The following TPRG1 variants were observed in gnomAD, a reference collection of about 807,000 sequenced individuals.
TPRG1 encodes the protein tumor protein p63 regulated 1.
TPRG1 carries 29 observed loss-of-function variants against 29.3 expected under a neutral mutation model. The observed-to-expected ratio is 0.99, with a 90% CI of 0.74 to 1.35. The LOEUF (loss-of-function observed/expected upper bound fraction) is 1.35. TPRG1 is among the 40% of genes most tolerant of loss of function. The probability of loss-of-function intolerance (pLI) is 0.00; values close to 1 mark genes in which losing one functional copy is unlikely to be tolerated. For synonymous variants in TPRG1, 130 were observed against 116.8 expected (o/e 1.11, Z -0.73); for missense variants, 327 against 335.0 (o/e 0.98, Z 0.19).
chr3:189,202,864 C>T (rs1236560684), intron 1 of TPRG1, among the ~76,000 whole-genome samples: 1 of 152,180 alleles, frequency 6.6e-6, no homozygotes, highest in African/African-American at 2.4e-5. Context: ...TGGGCTCAGA[C>T]ATTTGGCAAA....
intron 4 of TPRG1, among the ~76,000 whole-genome samples, chr3:189,279,498 T>C (rs189777028): frequency 6.6e-6 from 1 of 152,350 alleles, no homozygotes; most frequent in Admixed American, 6.5e-5. Context: ...TAATTATCTA[T>C]TTGGAGAAAC....
intron 4 of TPRG1, among the ~76,000 whole-genome samples, chr3:189,035,868 C>G (rs1231767733): frequency 6.6e-6 from 1 of 152,108 alleles, no homozygotes; most frequent in Non-Finnish European, 1.5e-5. Flanking sequence ...TTTGAGATTT[C>G]TCGAAGAACT....
chr3:189,108,638 A>G (rs1578379763), intron 1 of TPRG1, among the ~76,000 whole-genome samples: 1 of 151,432 alleles, frequency 6.6e-6, no homozygotes, highest in African/African-American at 2.4e-5. Context: ...TTCACACATT[A>G]TTCCATATAC....
chr3:189,134,835 C>T (rs530534647), intron 3 of TPRG1, among the ~76,000 whole-genome samples: 1 of 152,254 alleles, frequency 6.6e-6, no homozygotes, highest in African/African-American at 2.4e-5. Context: ...GCCTTGACCA[C>T]CTGACTCCTA....
At chr3:189,099,989 C>T (rs1300382318), upstream of TPRG1, 1 of 152,238 alleles carries the variant, frequency 6.6e-6, no homozygotes. Context: ...ATGCCTTGTC[C>T]TGGGCAGGAG....
At chr3:189,053,260 G>A (rs1263498309) in intron 4 of TPRG1, among the ~76,000 whole-genome samples, 1 of 152,042 alleles carries the variant, frequency 6.6e-6, no homozygotes, top group Non-Finnish European at 1.5e-5. Flanking sequence ...CTTTTCTTCT[G>A]CAGCTTCCTC....
chr3:189,001,637 G>C (rs2152121368), intron 2 of TPRG1, among the ~76,000 whole-genome samples: 1 of 152,228 alleles, frequency 6.6e-6, no homozygotes, highest in East Asian at 1.9e-4. Flanking sequence ...TCAACATATA[G>C]ATTTTGAGGG....
intron 4 of TPRG1, among the ~76,000 whole-genome samples, chr3:189,253,300 T>A (rs1305257640): frequency 6.6e-6 from 1 of 152,042 alleles, no homozygotes; most frequent in African/African-American, 2.4e-5. Context: ...ACTCATGTGG[T>A]GTTTGGAACC....
At chr3:189,270,017 A>ATCTTCTTCTTCTTCTTCT (rs72453037) in intron 4 of TPRG1, among the ~76,000 whole-genome samples, 60 of 148,812 alleles carry the variant, frequency 4.0e-4, no homozygotes, top group Middle Eastern at 3.5e-3. Context: ...TCTTCTCTGG[A>ATCTTCTTCTTCTTCTTCT]TCTTCTTCTT....
At chr3:189,240,984 A>T (rs1391734295) in intron 4 of TPRG1, among the ~76,000 whole-genome samples, 1 of 152,188 alleles carries the variant, frequency 6.6e-6, no homozygotes, top group African/African-American at 2.4e-5. Context: ...TCTTAAGCTT[A>T]ATCTATTTAG....
intron 4 of TPRG1, among the ~76,000 whole-genome samples, chr3:189,263,809 T>C (rs1713561839): frequency 6.6e-6 from 1 of 152,228 alleles, no homozygotes; most frequent in African/African-American, 2.4e-5. Flanking sequence ...TGCATCTTGA[T>C]GCTATGGCAT....
chr3:189,021,379 G>A lies in TPRG1; in HGVS notation c.-659-2371G>A, dbSNP rs992885097. Among the ~76,000 whole-genome samples, 219 of 152,036 alleles carry A rather than the reference G, an allele frequency of 1.4e-3. 3 individuals carry two copies. Among genetic ancestry groups the A allele is most frequent in the African/African-American group, 1.4e-3 (60 of 41,452 alleles). On this transcript the variant is annotated intron_variant, in intron 3 of 10. Coordinates refer to the TPRG1 transcript ENST00000433971. Reference sequence around the variant, plus strand: ...TTGCAGCGGCTGGTACCGGTTGTTCGTTTCCATGTTTAGCGCTTCCTTCAG... The same window carrying A: ...TTGCAGCGGCTGGTACCGGTTGTTCATTTCCATGTTTAGCGCTTCCTTCAG...
chr3:189,053,928 G>T (rs1162729252), intron 4 of TPRG1, among the ~76,000 whole-genome samples: 1 of 152,154 alleles, frequency 6.6e-6, no homozygotes, highest in Non-Finnish European at 1.5e-5. Flanking sequence ...CTGCAATAAG[G>T]CTGTTTTGCT....
chr3:189,062,087 C>T (rs915580348), intron 4 of TPRG1, among the ~76,000 whole-genome samples: 27 of 152,240 alleles, frequency 1.8e-4, no homozygotes, highest in African/African-American at 6.0e-4. Context: ...ACCTATACAC[C>T]ATGTTATACT....
intron 1 of TPRG1, among the ~76,000 whole-genome samples, chr3:189,191,423 A>G (rs1194771593): frequency 1.3e-5 from 2 of 152,132 alleles, no homozygotes; most frequent in East Asian, 1.9e-4. Context: ...AGCTACCCCT[A>G]TTGTTCTAGC....
At chr3:189,126,021 A>G (rs950357755) in intron 1 of TPRG1, among the ~76,000 whole-genome samples, 3 of 152,190 alleles carry the variant, frequency 2.0e-5, no homozygotes, top group Non-Finnish European at 4.4e-5. Flanking sequence ...TCTCCCTGCC[A>G]GCTCTATAAG....
chr3:189,067,513 T>C (rs1355349122), intron 4 of TPRG1, among the ~76,000 whole-genome samples: 2 of 151,986 alleles, frequency 1.3e-5, no homozygotes, highest in Admixed American at 1.3e-4. Context: ...AGAAACAAAT[T>C]CACACATCTG....
intron 4 of TPRG1, among the ~76,000 whole-genome samples, chr3:189,039,719 TGAGA>T (rs1714507267): frequency 6.6e-6 from 1 of 152,166 alleles, no homozygotes; most frequent in African/African-American, 2.4e-5. Context: ...ATCAAATCAT[TGAGA>T]GAGAATGTAC....
intron 1 of TPRG1, among the ~76,000 whole-genome samples, chr3:189,190,281 C>G (rs1190874711): frequency 6.6e-6 from 1 of 152,188 alleles, no homozygotes; most frequent in Admixed American, 6.5e-5. Flanking sequence ...AAAAAATTCT[C>G]TAGAGGCAAG....
Sources: allele counts gnomAD v4.1 joint callset (sites outside exome capture counted in the v4.1 genomes callset), GRCh38; gene constraint gnomAD v4.1.1; transcripts MANE v1.5; gene names NCBI Gene and HGNC (gene_info 2026-07-23, HGNC 2026-07-21).